The following SERPINB8 variants were observed in gnomAD, a reference collection of about 807,000 sequenced individuals.
The protein encoded by SERPINB8 is serpin family B member 8.
A neutral mutation model predicts 35.3 loss-of-function variants in SERPINB8; 25 were observed. The observed-to-expected ratio is 0.71, with a 90% confidence interval of 0.52 to 0.99. The LOEUF (loss-of-function observed/expected upper bound fraction) is 0.99, where lower values mean the gene tolerates loss of function less well. Among genes scored for constraint, SERPINB8 ranks in the 50% least tolerant of loss-of-function variants. The pLI, the probability that SERPINB8 is intolerant of heterozygous loss-of-function variation, is 0.00. For missense variants in SERPINB8, 484 were observed against 446.5 expected (o/e 1.08, Z -0.76); for synonymous variants, 186 against 160.8 (o/e 1.16, Z -1.19).
In SERPINB8 at chr18:63,988,409, A is replaced by G. The variant is rs2050794281; in HGVS notation, c.*1131A>G. On this transcript the variant is annotated 3_prime_UTR_variant, in exon 7 of 7. Transcript: ENST00000397985. ...TTAAAATTATTTCTATTAACAAATA[A>G]TAGATTGCTAATAATATATATTATG... is the stretch of plus-strand genomic sequence containing the variant. 1 of 152,202 alleles carries G rather than the reference A, an allele frequency of 6.6e-6. No homozygotes were observed. Among genetic ancestry groups the G allele is most frequent in the Non-Finnish European group, 1.5e-5 (1 of 68,032 alleles). The allele number at this position is 152,202 out of a possible 1,614,324, so 9.4% of individuals were successfully genotyped here.
chr18:64,002,332 C>A (rs909794631), intron 1 of SERPINB8, among the ~76,000 whole-genome samples: 2 of 152,124 alleles, frequency 1.3e-5, no homozygotes, highest in Admixed American at 1.3e-4. Flanking sequence ...ATTTTCTTTT[C>A]AGGTGAGTCC....
chr18:64,005,876 A>G (rs2050897754), downstream of SERPINB8, among the ~76,000 whole-genome samples: 1 of 152,152 alleles, frequency 6.6e-6, no homozygotes, highest in East Asian at 1.9e-4. Flanking sequence ...CCTAAAGGAA[A>G]AATAAATTTT....
chr18:63,987,007 G>T lies in SERPINB8; in HGVS notation c.854G>T (p.Arg285Ile). The T allele has an allele frequency of 4.3e-6, 7 of 1,614,224 alleles. No individual in the cohort carries two copies. Among genetic ancestry groups the T allele is most frequent in the Non-Finnish European group, 5.9e-6 (7 of 1,180,032 alleles). The change falls in exon 7 of 7, where the codon AGA (arginine) becomes ATA (isoleucine). Residue 285 changes from arginine to isoleucine, a missense_variant. Transcript: ENST00000397985. ...TATGACTTGGAGCCTTTCCTTCGAA[G>T]ATTAGGAATGATCGATGCTTTTGAC... The part of the protein sequence containing the change: ...ESYDLEPFLR[R>I]LGMIDAFDEA...
intron 1 of SERPINB8, among the ~76,000 whole-genome samples, chr18:63,997,233 T>C (rs1017040443): frequency 6.6e-6 from 1 of 152,232 alleles, no homozygotes; most frequent in African/African-American, 2.4e-5. Flanking sequence ...AGTACGTGAC[T>C]CACGGCTGTG....
chr18:63,972,099 A>C (rs1599124811), intron 1 of SERPINB8, among the ~76,000 whole-genome samples: 1 of 152,302 alleles, frequency 6.6e-6, no homozygotes, highest in East Asian at 1.9e-4. Context: ...ACAGCAGTAC[A>C]ACCCATCACC....
intron 1 of SERPINB8, among the ~76,000 whole-genome samples, chr18:64,003,519 A>ATGTGTGTGTGTGTG (rs61161137): frequency 3.4e-5 from 5 of 148,054 alleles, no homozygotes; most frequent in African/African-American, 1.3e-4. Context: ...TGAGGGACAA[A>ATGTGTGTGTGTGTG]TGTGTGTGTG....
intron 1 of SERPINB8, among the ~76,000 whole-genome samples, chr18:63,971,054 C>T (rs1328848452): frequency 6.6e-6 from 1 of 152,148 alleles, no homozygotes; most frequent in Non-Finnish European, 1.5e-5. Flanking sequence ...TTCCCTGCCT[C>T]GGGCTCTGCG....
chr18:63,979,693 T>G, intron 2 of SERPINB8, 108 bp from the exon 3 acceptor site: 1 of 1,374,856 alleles, frequency 7.3e-7, no homozygotes, highest in Non-Finnish European at 1.0e-6. Context: ...CAAACCTTTT[T>G]AAAGTAGGAT....
intron 1 of SERPINB8, among the ~76,000 whole-genome samples, chr18:64,000,540 A>T (rs958805021): frequency 6.6e-6 from 1 of 152,010 alleles, no homozygotes; most frequent in Non-Finnish European, 1.5e-5. Context: ...TGATCTCGGG[A>T]GGGAGGCACC....
chr18:63,973,930 AGC>A (rs1197547145), intron 1 of SERPINB8, among the ~76,000 whole-genome samples: 2 of 152,212 alleles, frequency 1.3e-5, no homozygotes, highest in Admixed American at 1.3e-4. Flanking sequence ...TGATGCCTCC[AGC>A]TTTGTTCTTT....
chr18:63,976,908 ATTTTTT>A (rs745947504), intron 1 of SERPINB8, among the ~76,000 whole-genome samples: 1 of 144,518 alleles, frequency 6.9e-6, no homozygotes, highest in Admixed American at 6.9e-5. Flanking sequence ...TTAAAAAGTA[ATTTTTT>A]TTTTTTTTGT....
In SERPINB8 at chr18:63,978,618, GA is replaced by G. The variant is rs2050621678; in HGVS notation, c.168+145del. 5.1e-5 allele frequency: 40 copies of G among 789,178 alleles called. 2 individuals carry two copies. The South Asian group carries it at 6.6e-4, about 13-fold the overall frequency. 48.9% of individuals were successfully genotyped at this position (789,178 alleles called of 1,614,324 possible). On this transcript the variant is annotated intron_variant, in intron 2 of 6. Transcript: ENST00000397985. ...AGCAGCTCGGCAGTGGAGAAGAGCA[GA>G]AAGGGGTAGAAAGGTGAAATGTGTT...
chr18:64,011,090 A>G lies in SERPINB8; in HGVS notation c.*2+6210A>G, dbSNP rs185244980. Among the ~76,000 whole-genome samples, 5 of 152,182 alleles carry G rather than the reference A, an allele frequency of 3.3e-5. No individual in the cohort carries two copies. In the East Asian group the frequency reaches 9.6e-4, roughly 29 times the overall value. ...AACTAAAATCAGCTAAGGGAGATGA[A>G]TCTAAATTATGTAAATTTTATAATC... is the stretch of plus-strand genomic sequence containing the variant. On this transcript the variant is annotated intron_variant, in intron 7 of 7. Coordinates refer to the SERPINB8 transcript ENST00000636430.
In SERPINB8 at chr18:63,988,683, A is replaced by G. The variant is rs2050797627; in HGVS notation, c.*1405A>G. 6.6e-6 allele frequency: 1 copy of G among 152,208 alleles called. No homozygotes were observed. The highest frequency in any genetic ancestry group is 2.4e-5 in the African/African-American group (1 of 41,444). 9.4% of individuals were successfully genotyped at this position (152,208 alleles called of 1,614,324 possible). A position where few individuals can be genotyped will look rare whatever the true frequency, so the allele number is the denominator to read the frequency against. ...AATCCTGACTCTGTTTTTGACTGAC[A>G]GTTAACAGTTACATGAACCATTCAT... On this transcript the variant is annotated 3_prime_UTR_variant, in exon 7 of 7. Transcript: ENST00000397985.
chr18:63,973,866 A>T (rs1041936994), intron 1 of SERPINB8, among the ~76,000 whole-genome samples: 3 of 152,358 alleles, frequency 2.0e-5, no homozygotes, highest in Admixed American at 2.0e-4. Flanking sequence ...TGGTACCAGT[A>T]CCATGCTGTT....
At chr18:63,982,309 T>G (rs2050685082) in intron 4 of SERPINB8, among the ~76,000 whole-genome samples, 1 of 152,144 alleles carries the variant, frequency 6.6e-6, no homozygotes, top group Non-Finnish European at 1.5e-5. Context: ...GAGTGTGGCC[T>G]TTTCTGAATT....
rs1599155277 is a variant in SERPINB8, at chr18:63,987,337, A to G, written c.*59A>G. On this transcript the variant is annotated 3_prime_UTR_variant, in exon 7 of 7. Transcript: ENST00000397985. ...TTCTACCTATCTTGCCTTAATTAAC[A>G]TTCCCTGTGACCTAGTTGGTGCAGT... 1.3e-6 allele frequency: 2 copies of G among 1,523,944 alleles called. No homozygotes were observed. The highest frequency in any genetic ancestry group is 1.8e-6 in the Non-Finnish European group (2 of 1,125,310). 94.4% of individuals were successfully genotyped at this position (1,523,944 alleles called of 1,614,324 possible).
chr18:63,983,813 G>T (rs1380666614), intron 5 of SERPINB8, 92 bp downstream of exon 5: 2 of 907,770 alleles, frequency 2.2e-6, no homozygotes, highest in East Asian at 2.5e-5. Context: ...TATTTGACAT[G>T]ATCTTGATTT....
At chr18:63,996,448 A>G (rs1222159614) in intron 1 of SERPINB8, among the ~76,000 whole-genome samples, 1 of 152,230 alleles carries the variant, frequency 6.6e-6, no homozygotes, top group African/African-American at 2.4e-5. Flanking sequence ...TGCCTTTTTC[A>G]GCATCCTCCC....
Sources: allele counts gnomAD v4.1 joint callset (sites outside exome capture counted in the v4.1 genomes callset), GRCh38; gene constraint gnomAD v4.1.1; transcripts MANE v1.5; gene names NCBI Gene and HGNC (gene_info 2026-07-23, HGNC 2026-07-21).